KCNH1: variants seen among roughly 807,000 people sequenced by gnomAD.
The protein encoded by KCNH1 is potassium voltage-gated channel subfamily H member 1, also known as voltage-gated delayed rectifier potassium channel KCNH1.
KCNH1 carries 27 observed loss-of-function variants against 69.2 expected under a neutral mutation model. The ratio of observed to expected loss-of-function variants is 0.39; its 90% CI spans 0.29 to 0.54. KCNH1 has a LOEUF of 0.54. KCNH1 is among the 20% of genes least tolerant of loss of function. The probability of loss-of-function intolerance (pLI) is 0.68; values close to 1 mark genes in which losing one functional copy is unlikely to be tolerated. For missense variants in KCNH1, 798 were observed against 1,261.6 expected, an observed-to-expected ratio of 0.63 and a Z score of 5.57; for synonymous variants, 456 against 487.7, an observed-to-expected ratio of 0.93 and a Z score of 0.86.
chr1:210,718,487 T>TATATTTATATATATAAA (rs1682345043), intron 10 of KCNH1, among the ~76,000 whole-genome samples: 1 of 70,792 alleles, frequency 1.4e-5, no homozygotes, highest in African/African-American at 5.7e-5. Flanking sequence ...AATATATACA[T>TATATTTATATATATAAA]ATATGTATAT....
rs572459513 is a variant in KCNH1 at position 211,071,631 on chromosome 1, T to C, written c.558+11149A>G. Among the ~76,000 whole-genome samples, 36 of 152,362 alleles carry C rather than the reference T, an allele frequency of 2.4e-4. 1 individual carries two copies. The highest frequency in any genetic ancestry group is 8.4e-4 in the African/African-American group (35 of 41,582). On this transcript the variant is annotated intron_variant, in intron 5 of 10. Transcript: ENST00000271751. ...TTTTATAAATTTTAACTTTTTATAATAGATTTGTTTATATTTTACGATAAT... is the reference window on the plus strand; with the variant it reads ...TTTTATAAATTTTAACTTTTTATAACAGATTTGTTTATATTTTACGATAAT...
chr1:210,859,688 G>A, intron 7 of KCNH1: 2 of 1,281,912 alleles, frequency 1.6e-6, no homozygotes, highest in East Asian at 2.3e-5. Flanking sequence ...TTAAATAAAA[G>A]GATAAAAGCT....
At chr1:210,996,714 C>A (rs149199936) in intron 6 of KCNH1, among the ~76,000 whole-genome samples, 50,217 of 152,156 alleles carry the variant, frequency 0.33, 8,716 homozygotes, top group Non-Finnish European at 0.38. Flanking sequence ...CCCTGAGCAG[C>A]CTAACTGGGA....
chr1:211,065,289 G>A (rs905684121), intron 5 of KCNH1, among the ~76,000 whole-genome samples: 5 of 152,086 alleles, frequency 3.3e-5, no homozygotes, highest in Admixed American at 6.6e-5. Context: ...ATACTACAAC[G>A]GAATATTCAG....
chr1:210,987,705 C>T (rs966350788), intron 6 of KCNH1, among the ~76,000 whole-genome samples: 1 of 152,192 alleles, frequency 6.6e-6, no homozygotes, highest in Non-Finnish European at 1.5e-5. Flanking sequence ...TGGGGGGTGC[C>T]TCCCAGTTAG....
intron 6 of KCNH1, among the ~76,000 whole-genome samples, chr1:210,944,586 G>C (rs1044597720): frequency 6.6e-6 from 1 of 152,186 alleles, no homozygotes; most frequent in African/African-American, 2.4e-5. Context: ...TTCTCTTACA[G>C]ATAAGGAACC....
At chr1:210,735,982 T>C (rs1038822309) in intron 10 of KCNH1, among the ~76,000 whole-genome samples, 1 of 152,248 alleles carries the variant, frequency 6.6e-6, no homozygotes. Flanking sequence ...TCCATTTTGC[T>C]TTCTGCTGGC....
chr1:211,117,411 G>A (rs749902145), intron 1 of KCNH1, among the ~76,000 whole-genome samples: 1 of 152,152 alleles, frequency 6.6e-6, no homozygotes, highest in Admixed American at 6.5e-5. Flanking sequence ...CATTGCAGGT[G>A]TAAGCCTTAA....
chr1:210,848,745 T>G (rs562187435), intron 7 of KCNH1, among the ~76,000 whole-genome samples: 3 of 152,240 alleles, frequency 2.0e-5, no homozygotes, highest in African/African-American at 4.8e-5. Context: ...GGCTTCATAA[T>G]AATATACTAT....
chr1:210,859,751 C>T (rs1685935046), intron 7 of KCNH1: 2 of 1,064,182 alleles, frequency 1.9e-6, no homozygotes, highest in South Asian at 1.3e-5. Flanking sequence ...TGTTCCATAT[C>T]AATAAGAGCA....
chr1:210,857,207 T>C (rs1685873143), intron 7 of KCNH1, among the ~76,000 whole-genome samples: 1 of 151,960 alleles, frequency 6.6e-6, no homozygotes, highest in Non-Finnish European at 1.5e-5. Flanking sequence ...CGACTACACG[T>C]TTAGTGCTTT....
chr1:210,838,592 T>C lies in KCNH1; in HGVS notation c.1463-34426A>G, dbSNP rs1685335683. Among the ~76,000 whole-genome samples, 3 of 152,082 alleles carry C rather than the reference T, an allele frequency of 2.0e-5. 1 individual carries two copies. ...TGGGGTCTAATTAAACTAAAGAGCT[T>C]CTGCACAGCAAAAGAAACTATCAAC... is the stretch of plus-strand genomic sequence containing the variant. On this transcript the variant is annotated intron_variant, in intron 7 of 10. Transcript: ENST00000271751.
At chr1:211,109,905 A>G (rs1022940806) in intron 1 of KCNH1, among the ~76,000 whole-genome samples, 2 of 152,062 alleles carry the variant, frequency 1.3e-5, no homozygotes, top group Admixed American at 1.3e-4. Flanking sequence ...AGGAAAAAAA[A>G]ATAAGGGAAC....
intron 7 of KCNH1, among the ~76,000 whole-genome samples, chr1:210,806,820 A>ATATATATATATATATATATATAT (rs1558477727): frequency 1.3e-4 from 3 of 23,700 alleles, no homozygotes; most frequent in South Asian, 2.5e-3. Context: ...AAAAAAAAAA[A>ATATATATATATATATATATATAT]AAAAAAAAAA....
intron 6 of KCNH1, among the ~76,000 whole-genome samples, chr1:210,953,531 G>A (rs528273105): frequency 2.0e-4 from 31 of 152,170 alleles, no homozygotes; most frequent in South Asian, 1.2e-3. Context: ...TCTCCCTTTC[G>A]CTGCATTTCC....
At chr1:210,795,430 A>C (rs1222620079) in intron 9 of KCNH1, among the ~76,000 whole-genome samples, 2 of 152,090 alleles carry the variant, frequency 1.3e-5, no homozygotes, top group Non-Finnish European at 2.9e-5. Context: ...TACAGGTATG[A>C]GCCACTGCAC....
chr1:211,067,139 C>T (rs796155153), intron 5 of KCNH1, among the ~76,000 whole-genome samples: 1 of 152,188 alleles, frequency 6.6e-6, no homozygotes, highest in Admixed American at 6.5e-5. Context: ...AGAGTCACTC[C>T]CGCATGGAAG....
At chr1:210,735,658 T>A (rs1682860355) in intron 10 of KCNH1, among the ~76,000 whole-genome samples, 1 of 152,162 alleles carries the variant, frequency 6.6e-6, no homozygotes, top group African/African-American at 2.4e-5. Context: ...TTTCTATATG[T>A]TGATCACAAT....
intron 1 of KCNH1, among the ~76,000 whole-genome samples, chr1:211,110,647 G>A (rs560156812): frequency 1.3e-5 from 2 of 152,136 alleles, no homozygotes; most frequent in African/African-American, 4.8e-5. Context: ...TAAAAATACA[G>A]GTGATAAAAG....
Sources: allele counts gnomAD v4.1 joint callset (sites outside exome capture counted in the v4.1 genomes callset), GRCh38; gene constraint gnomAD v4.1.1; transcripts MANE v1.5; gene names NCBI Gene and HGNC (gene_info 2026-07-23, HGNC 2026-07-21).